The following CUX2 variants were observed in gnomAD, a reference collection of about 807,000 sequenced individuals.
The protein encoded by CUX2 is cut like homeobox 2.
Under a neutral mutation model 144.8 loss-of-function variants are expected in CUX2, and 40 were observed. That is an observed-to-expected ratio of 0.28 (90% CI 0.21 to 0.36). CUX2 has a LOEUF of 0.36. Ranked by LOEUF, CUX2 falls within the 10% of genes least tolerant of loss-of-function variation. The pLI, the probability that CUX2 is intolerant of heterozygous loss-of-function variation, is 1.00. For synonymous variants in CUX2, 827 were observed against 875.6 expected, an observed-to-expected ratio of 0.94 and a Z score of 0.98; for missense variants, 1,615 against 1,994.0, an observed-to-expected ratio of 0.81 and a Z score of 3.62.
chr12:111,183,690 G>A (rs1879334653), intron 1 of CUX2, among the ~76,000 whole-genome samples: 1 of 152,182 alleles, frequency 6.6e-6, no homozygotes, highest in Non-Finnish European at 1.5e-5. Context: ...GCTGATGACA[G>A]TGCATCCCTG....
intron 1 of CUX2, among the ~76,000 whole-genome samples, chr12:111,150,753 G>A (rs529154412): frequency 3.2e-4 from 48 of 151,842 alleles, no homozygotes; most frequent in African/African-American, 1.1e-3. Flanking sequence ...GAAAAGCCTC[G>A]GGGGGTGGGA....
At chr12:111,279,856 C>A (rs1885036014) in intron 4 of CUX2, among the ~76,000 whole-genome samples, 1 of 152,212 alleles carries the variant, frequency 6.6e-6, no homozygotes, top group African/African-American at 2.4e-5. Flanking sequence ...GTGGCACATG[C>A]CTTTAGTCCC....
rs1313529649 is a variant in CUX2 at position 111,246,397 on chromosome 12, T to A, written c.223-17364T>A. ...AGGGCTTTTAGGATGATTTCTAGAC[T>A]TAATACATATAAAGCACTTAAAACG... On this transcript the variant is annotated intron_variant, in intron 3 of 21. Coordinates refer to ENST00000261726, the MANE Select transcript of CUX2 (RefSeq NM_015267.4). This position sits in a 1 kb window ranked among gnomAD's most constrained non-coding sequence, Gnocchi z 4.0. Among the ~76,000 whole-genome samples, 1 of 152,204 alleles carries A rather than the reference T, an allele frequency of 6.6e-6. No individual in the cohort carries two copies. Among genetic ancestry groups the A allele is most frequent in the East Asian group, 1.9e-4 (1 of 5,194 alleles).
intron 1 of CUX2, among the ~76,000 whole-genome samples, chr12:111,127,247 C>T (rs778621285): frequency 2.7e-4 from 41 of 152,212 alleles, no homozygotes; most frequent in Non-Finnish European, 4.6e-4. Flanking sequence ...CCTTGGCCTT[C>T]GGCAAACAAC....
intron 1 of CUX2, among the ~76,000 whole-genome samples, chr12:111,113,027 T>G (rs1350730031): frequency 6.6e-6 from 1 of 152,158 alleles, no homozygotes; most frequent in East Asian, 1.9e-4. Context: ...TGAGCCATAT[T>G]TGGAGGAAAG....
chr12:111,047,530 T>C (rs559450527), intron 1 of CUX2, among the ~76,000 whole-genome samples: 1 of 152,276 alleles, frequency 6.6e-6, no homozygotes, highest in East Asian at 1.9e-4. Flanking sequence ...GTCCCTGACC[T>C]TTGTTCTTTC....
chr12:111,320,275 C>T lies in CUX2; in HGVS notation c.2266C>T (p.Gln756Ter). 1 of 1,594,654 alleles carries T rather than the reference C, an allele frequency of 6.3e-7. No individual in the cohort carries two copies. Among genetic ancestry groups the T allele is most frequent in the Non-Finnish European group, 8.5e-7 (1 of 1,177,628 alleles). The change falls in exon 17 of 22, where the codon CAG (glutamine) becomes TAG (stop). Residue 756 changes from glutamine (Q) to a stop codon, truncating the protein, a stop_gained. Coordinates refer to ENST00000261726, the MANE Select transcript of CUX2 (RefSeq NM_015267.4). LOFTEE classifies it high-confidence loss of function. This position sits in a 1 kb window ranked among gnomAD's most constrained non-coding sequence, Gnocchi z 8.1. ...KQEEGSGGPA[Q>*]APLPVLSPAA... ...GGAGGAGGGCAGCGGGGGCCCCGCGCAGGCGCCGCTCCCGGTCCTGTCCCC... is the reference window on the plus strand; with the variant it reads ...GGAGGAGGGCAGCGGGGGCCCCGCGTAGGCGCCGCTCCCGGTCCTGTCCCC...
chr12:111,166,302 G>A (rs1028713975), intron 1 of CUX2, among the ~76,000 whole-genome samples: 1 of 152,196 alleles, frequency 6.6e-6, no homozygotes, highest in Non-Finnish European at 1.5e-5. Context: ...GATTACAGGC[G>A]TGAGCCACTA....
chr12:111,270,253 CT>C, intron 4 of CUX2: 1 of 152,256 alleles, frequency 6.6e-6, no homozygotes, highest in East Asian at 1.9e-4. Context: ...CGAAATACTC[CT>C]CCCCGCCACC....
At chr12:111,161,285 G>A (rs1473773946) in intron 1 of CUX2, among the ~76,000 whole-genome samples, 2 of 152,178 alleles carry the variant, frequency 1.3e-5, no homozygotes, top group Non-Finnish European at 2.9e-5. Flanking sequence ...AAATGAACCA[G>A]AATCACAGCA....
intron 1 of CUX2, among the ~76,000 whole-genome samples, chr12:111,124,139 T>A (rs534345511): frequency 3.3e-5 from 5 of 152,278 alleles, no homozygotes; most frequent in Non-Finnish European, 7.3e-5. Context: ...CCCTGAGCAG[T>A]GTAGGGGCCA....
intron 1 of CUX2, among the ~76,000 whole-genome samples, chr12:111,074,269 C>T (rs1871399624): frequency 6.6e-6 from 1 of 151,968 alleles, no homozygotes; most frequent in Non-Finnish European, 1.5e-5. Context: ...TGTTAAAGCC[C>T]AGCATCTCGC....
intron 1 of CUX2, among the ~76,000 whole-genome samples, chr12:111,133,636 C>T (rs957488821): frequency 6.6e-6 from 1 of 152,134 alleles, no homozygotes; most frequent in Non-Finnish European, 1.5e-5. Flanking sequence ...GGGGGCACAG[C>T]CAAACCATAT....
intron 1 of CUX2, among the ~76,000 whole-genome samples, chr12:111,165,169 C>A (rs532378784): frequency 6.6e-6 from 1 of 152,066 alleles, no homozygotes; most frequent in African/African-American, 2.4e-5. Flanking sequence ...GCTATTTATG[C>A]GGGTAAGGAT....
intron 8 of CUX2, 133 bp from the exon 9 acceptor site, chr12:111,298,408 C>A: frequency 1.1e-6 from 1 of 872,396 alleles, no homozygotes; most frequent in Non-Finnish European, 1.7e-6. Flanking sequence ...CTTTTCTCCC[C>A]AGCCCGATTT....
intron 21 of CUX2, among the ~76,000 whole-genome samples, chr12:111,344,814 T>C (rs773836070): frequency 6.6e-6 from 1 of 152,208 alleles, no homozygotes. Context: ...CTTGAGACCA[T>C]GCCAGTTCCT....
At chr12:111,117,899 T>C (rs1282836618) in intron 1 of CUX2, among the ~76,000 whole-genome samples, 1 of 152,234 alleles carries the variant, frequency 6.6e-6, no homozygotes, top group Non-Finnish European at 1.5e-5. Flanking sequence ...TAACCCCATT[T>C]ACTTGATGAG....
chr12:111,165,115 T>C (rs564888533), intron 1 of CUX2, among the ~76,000 whole-genome samples: 89 of 152,298 alleles, frequency 5.8e-4, no homozygotes, highest in African/African-American at 2.0e-3. Flanking sequence ...TAAGCTACTT[T>C]GTAGATGCTG....
At position 111,061,852 on chromosome 12, in the gene CUX2, G is replaced by A. The variant is rs1299830322; in HGVS notation, c.63+27612G>A. Among the ~76,000 whole-genome samples the A allele has an allele frequency of 2.6e-5, 4 of 152,110 alleles. No homozygotes were observed. The highest frequency in any genetic ancestry group is 5.9e-5 in the Non-Finnish European group (4 of 68,018). ...CTCAGCAGGCAGGGATGTGGGGGGC[G>A]CCTCGTGGCCAAACACCAGGCTTTA... On this transcript the variant is annotated intron_variant, in intron 1 of 21. Transcript: ENST00000261726. This position sits in a 1 kb window ranked among gnomAD's most constrained non-coding sequence, Gnocchi z 4.2.
Sources: allele counts gnomAD v4.1 joint callset (sites outside exome capture counted in the v4.1 genomes callset), GRCh38; gene constraint gnomAD v4.1.1; non-coding constraint Gnocchi (gnomAD v3.1); transcripts MANE v1.5; gene names NCBI Gene and HGNC (gene_info 2026-07-23, HGNC 2026-07-21).